The following MFSD12 variants were observed in gnomAD, a reference collection of about 807,000 sequenced individuals.
MFSD12 encodes the protein major facilitator superfamily domain-containing protein 12.
In MFSD12, 67 loss-of-function variants were observed where a neutral mutation model predicts 51.2. That is an observed-to-expected ratio of 1.31 (90% CI 1.08 to 1.60). MFSD12 has a LOEUF of 1.60. Ranked by LOEUF, MFSD12 falls within the 40% of genes most tolerant of loss-of-function variation. The pLI, the probability that MFSD12 is intolerant of heterozygous loss-of-function variation, is 0.00. For synonymous variants in MFSD12, 441 were observed against 316.7 expected, an observed-to-expected ratio of 1.39 and a Z score of -4.17; for missense variants, 921 against 673.0, an observed-to-expected ratio of 1.37 and a Z score of -4.08.
downstream of MFSD12, chr19:3,541,622 A>G (rs2030425092): frequency 2.0e-6 from 2 of 984,732 alleles, no homozygotes; most frequent in South Asian, 4.7e-5. Context: ...CACCCAGTGC[A>G]AGACCCTATT....
chr19:3,554,416 G>C (rs1313382899), intron 1 of MFSD12, among the ~76,000 whole-genome samples: 1 of 144,988 alleles, frequency 6.9e-6, no homozygotes, highest in African/African-American at 2.6e-5. Flanking sequence ...CAGCCTGAGC[G>C]ACAGAGTGAG....
In MFSD12 at chr19:3,557,555, G is replaced by T; in HGVS notation, c.-152C>A. ...CTCTTACGGCCGCGCCCTCACCCACGTCCGCCGCGTCCGCCCCACGCTCGA... is the reference window on the plus strand; with the variant it reads ...CTCTTACGGCCGCGCCCTCACCCACTTCCGCCGCGTCCGCCCCACGCTCGA... On this transcript the variant is annotated 5_prime_UTR_variant, in exon 1 of 10. Transcript: ENST00000355415. The T allele has an allele frequency of 6.6e-6, 2 of 302,978 alleles. No individual in the cohort carries two copies. Among genetic ancestry groups the T allele is most frequent in the Non-Finnish European group, 1.1e-5 (2 of 185,212 alleles). 18.8% of individuals were successfully genotyped at this position (302,978 alleles called of 1,614,324 possible). A position where few individuals can be genotyped will look rare whatever the true frequency, so the allele number is the denominator to read the frequency against.
At chr19:3,538,911 C>T (rs2030119882) in intron 4 of MFSD12, 1 of 660,600 alleles carries the variant, frequency 1.5e-6, no homozygotes. Flanking sequence ...ATGGAGAAGC[C>T]AGACCCCAGG....
intron 4 of MFSD12, 103 bp from the exon 5 acceptor site, chr19:3,547,650 T>A: frequency 8.3e-7 from 1 of 1,208,840 alleles, no homozygotes; most frequent in South Asian, 1.4e-5. Flanking sequence ...GCAGCTGGCA[T>A]TTGATCCATT....
Position 3,551,245 on chromosome 19 carries a change from C to A in MFSD12, c.299-51G>T. On this transcript the variant is annotated intron_variant, in intron 1 of 9. Coordinates refer to ENST00000355415, the MANE Select transcript of MFSD12 (RefSeq NM_174983.5). The surrounding 1 kb of genome is among the most constrained non-coding windows in gnomAD (Gnocchi z 4.6). Reference sequence around the variant, plus strand: ...CGGGGCTGTCCCGCACCAGCCAGGGCTCCCAGGGTGAGGACATGGAGGGAG... The same window carrying A: ...CGGGGCTGTCCCGCACCAGCCAGGGATCCCAGGGTGAGGACATGGAGGGAG... 2 of 1,445,218 alleles carry A rather than the reference C, an allele frequency of 1.4e-6. No homozygotes were observed. Among genetic ancestry groups the A allele is most frequent in the Non-Finnish European group, 1.9e-6 (2 of 1,068,552 alleles). 89.5% of individuals were successfully genotyped at this position (1,445,218 alleles called of 1,614,324 possible).
chr19:3,543,217 C>T (rs1284081066), downstream of MFSD12: 2 of 1,538,486 alleles, frequency 1.3e-6, no homozygotes, highest in Admixed American at 2.0e-5. Flanking sequence ...TCAGTCTCTG[C>T]CCCCTGCCCA....
Position 3,544,324 on chromosome 19 carries a change from TCCTGAGGGGGC to T in MFSD12, c.*375_*385del. ...GGCTGTCTCCTCCAGGCTCCAGCCG[TCCTGAGGGGGC>T]CCTGGCAGTGTCTGGAGACCCCCAG... On this transcript the variant is annotated 3_prime_UTR_variant, in exon 10 of 10. Coordinates refer to ENST00000355415, the MANE Select transcript of MFSD12 (RefSeq NM_174983.5). 7.9e-7 allele frequency: 1 copy of T among 1,270,210 alleles called. No homozygotes were observed. Among genetic ancestry groups the T allele is most frequent in the Non-Finnish European group, 9.9e-7 (1 of 1,007,788 alleles). 78.7% of individuals were successfully genotyped at this position (1,270,210 alleles called of 1,614,324 possible). A position where few individuals can be genotyped will look rare whatever the true frequency, so the allele number is the denominator to read the frequency against.
chr19:3,554,071 G>A (rs2031617008), intron 1 of MFSD12, among the ~76,000 whole-genome samples: 1 of 151,672 alleles, frequency 6.6e-6, no homozygotes, highest in African/African-American at 2.4e-5. Flanking sequence ...GACAAAGCAA[G>A]ACTCCGTCTC....
downstream of MFSD12, chr19:3,543,452 C>A: frequency 6.5e-7 from 1 of 1,541,460 alleles, no homozygotes; most frequent in Non-Finnish European, 8.7e-7. Flanking sequence ...CTACCAACAC[C>A]GTGAGTGCAG....
chr19:3,546,793 A>C (rs908522440), intron 6 of MFSD12, among the ~76,000 whole-genome samples: 3 of 152,200 alleles, frequency 2.0e-5, no homozygotes, highest in Non-Finnish European at 4.4e-5. Context: ...AACTCGAGAC[A>C]CAGAGAAGCC....
intron 2 of MFSD12, 54 bp from the exon 3 acceptor site, chr19:3,548,321 C>T: frequency 1.3e-6 from 2 of 1,535,626 alleles, no homozygotes; most frequent in East Asian, 2.5e-5. Context: ...TGGGTCACTT[C>T]CTCCCCACGT....
chr19:3,538,824 C>T lies in MFSD12; in HGVS notation c.*6-68G>A, dbSNP rs928874883. On this transcript the variant is annotated intron_variant, in intron 4 of 4. Transcript: ENST00000398558. The stretch of plus-strand genomic sequence containing the variant: ...AGTGAGGAGCTGGGGTGACAGGTGC[C>T]TGCGACCCCGGCCAGGCACTGCCTC... 34 of 555,572 alleles carry T rather than the reference C, an allele frequency of 6.1e-5. No homozygotes were observed. The Admixed American group carries it at 7.1e-4, about 12-fold the overall frequency. The allele number at this position is 555,572 out of a possible 1,614,324, so 34.4% of individuals were successfully genotyped here.
chr19:3,539,556 C>G (rs1006193891), downstream of MFSD12: 1 of 445,416 alleles, frequency 2.2e-6, no homozygotes, highest in African/African-American at 2.0e-5. Context: ...GAAATCCAGG[C>G]CTGTGCGGGG....
Position 3,548,145 on chromosome 19 carries a change from C to A in MFSD12, c.632G>T (p.Gly211Val). Residue 211 changes from glycine to valine, a missense_variant, in exon 3 of 10, where the codon GGC (glycine) becomes GTC (valine). Physicochemically the swap from Gly to Val is moderately radical, Grantham distance 109. Coordinates refer to ENST00000355415, the MANE Select transcript of MFSD12 (RefSeq NM_174983.5). ...QDISISDQLG[G>V]QDVPVFRNLS... ...CACCCGGAACACGGGCACGTCCTGG[C>A]CCCCCAGCTGGTCGCTGATGCTGAT... The A allele has an allele frequency of 2.5e-6, 4 of 1,606,210 alleles. No homozygotes were observed. Among genetic ancestry groups the A allele is most frequent in the African/African-American group, 1.3e-5 (1 of 74,942 alleles).
downstream of MFSD12, among the ~76,000 whole-genome samples, chr19:3,540,677 C>T (rs999362177): frequency 2.7e-5 from 4 of 145,604 alleles, no homozygotes; most frequent in East Asian, 4.3e-4. Context: ...GTCAGGAGTT[C>T]GAGACCAGCC....
In MFSD12 at chr19:3,547,365, C is replaced by T. The variant is rs769309081; in HGVS notation, c.931-1G>A. 1 of 1,613,286 alleles carries T rather than the reference C, an allele frequency of 6.2e-7. No homozygotes were observed. The highest frequency in any genetic ancestry group is 1.1e-5 in the South Asian group (1 of 91,082). On this transcript the variant is annotated splice_acceptor_variant, in intron 5 of 9. Transcript: ENST00000355415. LOFTEE classifies it high-confidence loss of function. ...CCAGGGGAATGGTCGCGATGAACTT[C>T]TGCGGAGGCAGAGCCAGGCATGCCG...
intron 8 of MFSD12, 118 bp downstream of exon 8, chr19:3,545,956 G>C (rs1400885361): frequency 2.0e-6 from 2 of 1,008,592 alleles, no homozygotes; most frequent in Non-Finnish European, 3.1e-6. Flanking sequence ...CTCCCATTGG[G>C]GCAGGTGTCT....
chr19:3,545,069 C>A (rs10424086), intron 8 of MFSD12, 130 bp from the exon 9 acceptor site: 847,083 of 1,254,602 alleles, frequency 0.68, 287,453 homozygotes, highest in East Asian at 0.84. Context: ...GGGGCCCTGC[C>A]ACTCCCTCCC....
intron 1 of MFSD12, among the ~76,000 whole-genome samples, chr19:3,555,376 G>A (rs1379479587): frequency 6.6e-6 from 1 of 152,190 alleles, no homozygotes; most frequent in Non-Finnish European, 1.5e-5. Flanking sequence ...TGGGATGACA[G>A]GGGTGAGCCA....
Sources: gnomAD v4.1 joint callset for allele counts (sites outside exome capture counted in the v4.1 genomes callset) on GRCh38, gnomAD v4.1.1 for gene constraint, Gnocchi (gnomAD v3.1) non-coding constraint, MANE v1.5 for transcripts, NCBI Gene and HGNC (gene_info 2026-07-23, HGNC 2026-07-21) for gene names.